The following RBFOX1 variants were observed in gnomAD, a reference collection of about 807,000 sequenced individuals.
RBFOX1 encodes RNA binding protein fox-1 homolog 1.
In RBFOX1, 8 loss-of-function variants were observed where a neutral mutation model predicts 57.7. The observed-to-expected ratio is 0.14, with a 90% CI of 0.08 to 0.25. The LOEUF (loss-of-function observed/expected upper bound fraction) is 0.25. Ranked by LOEUF, RBFOX1 falls within the 10% of genes least tolerant of loss-of-function variation. The pLI, the probability that RBFOX1 is intolerant of heterozygous loss-of-function variation, is 1.00. For synonymous variants in RBFOX1, 326 were observed against 222.4 expected (o/e 1.47, Z -4.15); for missense variants, 611 against 548.5 (o/e 1.11, Z -1.14).
In RBFOX1 at chr16:6,019,627, C is replaced by G; in HGVS notation, c.-492C>G. The stretch of plus-strand genomic sequence containing the variant: ...GGAGTGAGCCGAGCCGAGCACCCCA[C>G]ATCTGGAGGGGACAGCCAGCCGTGG... On this transcript the variant is annotated 5_prime_UTR_variant, in exon 1 of 16. Transcript: ENST00000550418. This position sits in a 1 kb window ranked among gnomAD's most constrained non-coding sequence, Gnocchi z 4.2. 2 of 1,282,300 alleles carry G rather than the reference C, an allele frequency of 1.6e-6. No homozygotes were observed. Among genetic ancestry groups the G allele is most frequent in the South Asian group, 5.1e-5 (2 of 39,268 alleles). 79.4% of individuals were successfully genotyped at this position (1,282,300 alleles called of 1,614,324 possible).
chr16:6,212,243 AG>A (rs2097303271), intron 1 of RBFOX1, among the ~76,000 whole-genome samples: 1 of 152,182 alleles, frequency 6.6e-6, no homozygotes, highest in South Asian at 2.1e-4. Context: ...TGGTGAAAAA[AG>A]TTGTATAATA....
intron 4 of RBFOX1, among the ~76,000 whole-genome samples, chr16:7,267,363 C>T (rs953746565): frequency 4.0e-5 from 6 of 151,458 alleles, no homozygotes; most frequent in Non-Finnish European, 8.8e-5. Context: ...GGCAAAACCC[C>T]GTCTCTACTA....
chr16:7,178,444 G>C (rs1015104337), intron 4 of RBFOX1, among the ~76,000 whole-genome samples: 2 of 152,188 alleles, frequency 1.3e-5, no homozygotes, highest in African/African-American at 4.8e-5. Context: ...TTGGATATGG[G>C]TAAACACTAA....
At chr16:6,015,694 C>G (rs1341204809), upstream of RBFOX1, among the ~76,000 whole-genome samples, 2 of 152,188 alleles carry the variant, frequency 1.3e-5, no homozygotes, top group Non-Finnish European at 1.5e-5. Context: ...TCGGGAATAT[C>G]CATCACCCAA....
chr16:6,143,005 T>C (rs529112702), intron 1 of RBFOX1, among the ~76,000 whole-genome samples: 8 of 152,308 alleles, frequency 5.3e-5, no homozygotes, highest in African/African-American at 1.9e-4. Flanking sequence ...GGTAATAGTA[T>C]TTTTTCAGCT....
At chr16:5,624,218 G>C (rs1427105406) in intron 3 of RBFOX1, among the ~76,000 whole-genome samples, 1 of 152,094 alleles carries the variant, frequency 6.6e-6, no homozygotes, top group African/African-American at 2.4e-5. Flanking sequence ...TTTTTGAGAC[G>C]GAGTCTCGCT....
intron 4 of RBFOX1, among the ~76,000 whole-genome samples, chr16:7,233,664 A>C (rs1291121575): frequency 6.6e-6 from 1 of 152,234 alleles, no homozygotes; most frequent in Non-Finnish European, 1.5e-5. Flanking sequence ...TTTCAACAAG[A>C]AATGCGACCT....
At chr16:5,697,891 A>G (rs954194355) in intron 3 of RBFOX1, among the ~76,000 whole-genome samples, 2 of 152,208 alleles carry the variant, frequency 1.3e-5, no homozygotes, top group Non-Finnish European at 2.9e-5. Flanking sequence ...GTAGATAACC[A>G]TAATAGGTTA....
intron 4 of RBFOX1, among the ~76,000 whole-genome samples, chr16:5,965,656 G>A (rs906370281): frequency 2.0e-5 from 3 of 152,166 alleles, no homozygotes; most frequent in African/African-American, 7.2e-5. Context: ...AAGCAGTATC[G>A]TGGTTGATAC....
At chr16:7,479,151 T>C (rs1400890221) in intron 4 of RBFOX1, among the ~76,000 whole-genome samples, 1 of 149,660 alleles carries the variant, frequency 6.7e-6, no homozygotes, top group East Asian at 2.0e-4. Flanking sequence ...AGGGACAGGG[T>C]CTCGGTCTGT....
At chr16:6,041,536 A>G (rs1331538999) in intron 1 of RBFOX1, among the ~76,000 whole-genome samples, 1 of 151,974 alleles carries the variant, frequency 6.6e-6, no homozygotes, top group Non-Finnish European at 1.5e-5. Context: ...TATCATCCAC[A>G]TTTTACGGAT....
chr16:6,024,525 G>T (rs930628649), intron 1 of RBFOX1, among the ~76,000 whole-genome samples: 6 of 152,090 alleles, frequency 3.9e-5, no homozygotes, highest in African/African-American at 1.4e-4. Flanking sequence ...GCCTCACGTT[G>T]TATCCCAGGC....
At chr16:7,368,559 A>T (rs2147154673) in intron 4 of RBFOX1, among the ~76,000 whole-genome samples, 1 of 152,072 alleles carries the variant, frequency 6.6e-6, no homozygotes, top group East Asian at 2.0e-4. Flanking sequence ...TGGGCAGATC[A>T]TGAGGTCAGG....
chr16:7,343,769 C>T (rs1330937462), intron 4 of RBFOX1, among the ~76,000 whole-genome samples: 2 of 151,982 alleles, frequency 1.3e-5, no homozygotes, highest in Non-Finnish European at 2.9e-5. Context: ...ACCATTGAGG[C>T]CTCCACCTCT....
intron 1 of RBFOX1, among the ~76,000 whole-genome samples, chr16:5,403,349 CAAAAAAA>C (rs767830099): frequency 8.5e-5 from 7 of 82,258 alleles, no homozygotes; most frequent in Admixed American, 2.7e-4. Flanking sequence ...AACGCTGTCT[CAAAAAAA>C]AAAAAAAAAA....
intron 1 of RBFOX1, among the ~76,000 whole-genome samples, chr16:6,238,747 A>AT (rs1313050624): frequency 4.6e-5 from 7 of 152,000 alleles, no homozygotes; most frequent in Non-Finnish European, 7.4e-5. Context: ...CTGACTGACT[A>AT]TTTTTTTAAA....
At chr16:5,552,096 G>A (rs954836182) in intron 2 of RBFOX1, among the ~76,000 whole-genome samples, 3 of 152,174 alleles carry the variant, frequency 2.0e-5, no homozygotes, top group African/African-American at 7.2e-5. Flanking sequence ...GTGTTACCGT[G>A]AAATTGAACT....
intron 4 of RBFOX1, among the ~76,000 whole-genome samples, chr16:7,460,821 C>G (rs2059446576): frequency 6.6e-6 from 1 of 152,150 alleles, no homozygotes; most frequent in African/African-American, 2.4e-5. Context: ...AACTGCATTT[C>G]CAGCCTCCCT....
intron 4 of RBFOX1, among the ~76,000 whole-genome samples, chr16:5,935,678 G>A (rs1415689657): frequency 2.0e-5 from 3 of 152,190 alleles, no homozygotes; most frequent in African/African-American, 7.2e-5. Flanking sequence ...TCCCTCCAGA[G>A]TCAGCAAGGT....
Sources: gnomAD v4.1 joint callset for allele counts (sites outside exome capture counted in the v4.1 genomes callset) on GRCh38, gnomAD v4.1.1 for gene constraint, Gnocchi (gnomAD v3.1) non-coding constraint, MANE v1.5 for transcripts, NCBI Gene and HGNC (gene_info 2026-07-23, HGNC 2026-07-21) for gene names.